KIAA1217: variants seen among roughly 807,000 people sequenced by gnomAD.
The protein encoded by KIAA1217 is sickle tail protein homolog.
KIAA1217 carries 88 observed loss-of-function variants against 163.9 expected under a neutral mutation model. The observed-to-expected ratio is 0.54, with a 90% CI of 0.45 to 0.64. The LOEUF is 0.64. Among genes scored for constraint, KIAA1217 ranks in the 30% least tolerant of loss-of-function variants. The pLI is 0.00. For missense variants in KIAA1217, 2,372 were observed against 2,475.0 expected, an observed-to-expected ratio of 0.96 and a Z score of 0.88; for synonymous variants, 903 against 923.1, an observed-to-expected ratio of 0.98 and a Z score of 0.39.
intron 1 of KIAA1217, among the ~76,000 whole-genome samples, chr10:23,956,481 T>A (rs1844563972): frequency 6.6e-6 from 1 of 151,920 alleles, no homozygotes; most frequent in Non-Finnish European, 1.5e-5. Flanking sequence ...AAAAAAAAAA[T>A]GTCTACAGCA....
chr10:23,937,724 G>A (rs80272525), intron 1 of KIAA1217, among the ~76,000 whole-genome samples: 3,867 of 152,066 alleles, frequency 0.025, 161 homozygotes, highest in African/African-American at 0.088. Flanking sequence ...GGCCAAATTG[G>A]GATAACAGGG....
At chr10:24,444,721 T>C (rs551814343) in intron 5 of KIAA1217, among the ~76,000 whole-genome samples, 10 of 152,304 alleles carry the variant, frequency 6.6e-5, no homozygotes, top group African/African-American at 1.4e-4. Flanking sequence ...CCAGAAATAG[T>C]TGTGCTTCTC....
chr10:23,941,122 C>T (rs911889088), intron 1 of KIAA1217, among the ~76,000 whole-genome samples: 9 of 152,114 alleles, frequency 5.9e-5, no homozygotes, highest in African/African-American at 1.7e-4. Flanking sequence ...GCAAAGCTTT[C>T]GAGGCAGAGA....
rs146094295 is a variant in KIAA1217, at chr10:23,739,705, T to C, written c.-321+44471T>C. ...GTTGTTACAAGATCACTCTGGCTGC[T>C]GGGTTAGGAATTGACTGTAGAGGCC... is the stretch of plus-strand genomic sequence containing the variant. On this transcript the variant is annotated intron_variant, in intron 1 of 18. Coordinates refer to the KIAA1217 transcript ENST00000376462. 6.9e-3 allele frequency among the ~76,000 whole-genome samples: 1,056 copies of C among 152,252 alleles called. 14 individuals carry two copies. The highest frequency in any genetic ancestry group is 0.024 in the African/African-American group (1,004 of 41,550).
chr10:24,404,856 GAAA>G (rs950180292), intron 3 of KIAA1217, among the ~76,000 whole-genome samples: 2 of 151,674 alleles, frequency 1.3e-5, no homozygotes, highest in Non-Finnish European at 2.9e-5. Context: ...GCTCAGTGAG[GAAA>G]AAAGAAAAAA....
intron 5 of KIAA1217, among the ~76,000 whole-genome samples, chr10:24,446,096 G>C (rs969508930): frequency 2.6e-5 from 4 of 152,224 alleles, no homozygotes; most frequent in East Asian, 1.9e-4. Context: ...GATGGTATCT[G>C]ATTGTGGTTT....
At chr10:24,481,889 T>C (rs1016036102) in intron 6 of KIAA1217, 1 of 152,176 alleles carries the variant, frequency 6.6e-6, no homozygotes, top group Non-Finnish European at 1.5e-5. Context: ...AAAGACCAAC[T>C]AGTCTCTATC....
intron 1 of KIAA1217, among the ~76,000 whole-genome samples, chr10:24,211,119 G>A (rs1339772387): frequency 6.6e-6 from 1 of 152,046 alleles, no homozygotes. Context: ...AAAGGAATAA[G>A]GAGTGAAACT....
chr10:24,122,076 C>T (rs2063302791), intron 2 of KIAA1217, among the ~76,000 whole-genome samples: 1 of 151,980 alleles, frequency 6.6e-6, no homozygotes, highest in South Asian at 2.1e-4. Context: ...TTATGTGATA[C>T]TGAGGTTTAA....
At chr10:24,078,704 A>G (rs1266591528) in intron 2 of KIAA1217, among the ~76,000 whole-genome samples, 1 of 152,154 alleles carries the variant, frequency 6.6e-6, no homozygotes, top group Non-Finnish European at 1.5e-5. Context: ...GAGGCATTTC[A>G]GGTTCTTCTT....
chr10:24,177,944 A>G (rs2065987813), intron 2 of KIAA1217, among the ~76,000 whole-genome samples: 1 of 152,246 alleles, frequency 6.6e-6, no homozygotes, highest in African/African-American at 2.4e-5. Context: ...TGGATCCTTT[A>G]TCTAATGTGT....
At chr10:24,370,237 C>G (rs1381630322) in intron 2 of KIAA1217, among the ~76,000 whole-genome samples, 1 of 137,570 alleles carries the variant, frequency 7.3e-6, no homozygotes, top group South Asian at 2.5e-4. Flanking sequence ...TGCACTCCAG[C>G]CTGGGCAACA....
intron 3 of KIAA1217, among the ~76,000 whole-genome samples, chr10:24,390,161 CA>C (rs1241788330): frequency 6.6e-6 from 1 of 152,140 alleles, no homozygotes; most frequent in Non-Finnish European, 1.5e-5. Context: ...TCTGACTGCA[CA>C]GGGGCCTAAC....
chr10:24,418,786 A>G (rs1296242095), intron 3 of KIAA1217, among the ~76,000 whole-genome samples: 1 of 152,018 alleles, frequency 6.6e-6, no homozygotes, highest in Non-Finnish European at 1.5e-5. Flanking sequence ...TAGTTTGAAA[A>G]CATGCACTGG....
At chr10:23,803,994 T>C (rs1169129299) in intron 1 of KIAA1217, among the ~76,000 whole-genome samples, 3 of 152,180 alleles carry the variant, frequency 2.0e-5, no homozygotes, top group East Asian at 1.9e-4. Flanking sequence ...GATATAAATA[T>C]GGAAAAATAT....
chr10:24,517,293 G>C (rs978720755), intron 10 of KIAA1217, among the ~76,000 whole-genome samples: 1 of 152,062 alleles, frequency 6.6e-6, no homozygotes, highest in Admixed American at 6.6e-5. Flanking sequence ...AGATCTGAAT[G>C]GCAAGACAGC....
intron 1 of KIAA1217, among the ~76,000 whole-genome samples, chr10:23,825,007 C>A (rs1018963168): frequency 6.6e-6 from 1 of 151,944 alleles, no homozygotes; most frequent in African/African-American, 2.4e-5. Flanking sequence ...AAGATGTTAT[C>A]GGGAACATCT....
intron 2 of KIAA1217, among the ~76,000 whole-genome samples, chr10:24,345,951 C>G (rs1204931615): frequency 6.6e-6 from 1 of 152,160 alleles, no homozygotes; most frequent in Non-Finnish European, 1.5e-5. Flanking sequence ...ATCCATTCAA[C>G]AACAGCTCTC....
At chr10:24,041,274 G>A (rs772484697) in intron 2 of KIAA1217, among the ~76,000 whole-genome samples, 12 of 152,184 alleles carry the variant, frequency 7.9e-5, no homozygotes, top group Non-Finnish European at 1.6e-4. Flanking sequence ...GAAACTAAGA[G>A]GGAAAATGGT....
Sources: allele counts gnomAD v4.1 joint callset (sites outside exome capture counted in the v4.1 genomes callset), GRCh38; gene constraint gnomAD v4.1.1; transcripts MANE v1.5; gene names NCBI Gene and HGNC (gene_info 2026-07-23, HGNC 2026-07-21).